The following ARHGAP22 variants were observed in gnomAD, a reference collection of about 807,000 sequenced individuals.
ARHGAP22 encodes Rho GTPase activating protein 22, also known as rho GTPase-activating protein 22.
In ARHGAP22, 48 loss-of-function variants were observed where a neutral mutation model predicts 59.1. The ratio of observed to expected loss-of-function variants is 0.81; its 90% CI spans 0.64 to 1.03. The LOEUF is 1.03. Among genes scored for constraint, ARHGAP22 ranks in the 50% least tolerant of loss-of-function variants. ARHGAP22 has a pLI of 0.00. For missense variants in ARHGAP22, 1,015 were observed against 958.7 expected (o/e 1.06, Z -0.78); for synonymous variants, 445 against 416.4 (o/e 1.07, Z -0.84).
At chr10:48,486,979 T>C (rs1441804337) in intron 3 of ARHGAP22, among the ~76,000 whole-genome samples, 1 of 152,260 alleles carries the variant, frequency 6.6e-6, no homozygotes, top group Non-Finnish European at 1.5e-5. Context: ...TTGTGTCTTT[T>C]TTACTGTTTC....
chr10:48,456,492 A>G (rs576716405), intron 5 of ARHGAP22, among the ~76,000 whole-genome samples: 115 of 152,236 alleles, frequency 7.6e-4, no homozygotes, highest in African/African-American at 2.6e-3. Context: ...TTCCTGGCCA[A>G]CTGCCCTGGG....
intron 3 of ARHGAP22, 104 bp from the exon 4 acceptor site, chr10:48,479,868 C>G: frequency 8.4e-7 from 1 of 1,183,970 alleles, no homozygotes; most frequent in Non-Finnish European, 1.1e-6. Flanking sequence ...TTCCCAAAGT[C>G]CTTCCAGCAA....
At chr10:48,636,588 G>T (rs1021223686) in intron 1 of ARHGAP22, among the ~76,000 whole-genome samples, 2 of 152,198 alleles carry the variant, frequency 1.3e-5, no homozygotes, top group Non-Finnish European at 2.9e-5. Flanking sequence ...CTGCCCTTTT[G>T]CAGACCACGA....
At position 48,629,514 on chromosome 10, in the gene ARHGAP22, C is replaced by T. The variant is rs1233240241; in HGVS notation, c.52+22720G>A. Among the ~76,000 whole-genome samples the T allele has an allele frequency of 3.3e-5, 5 of 152,202 alleles. No homozygotes were observed. The East Asian group carries it at 7.7e-4, about 23-fold the overall frequency. ...AATTACCTTGGCTCTCATCAAAGGT[C>T]AGTTAGCTACATTTGTGTGGGTCTA... is the stretch of plus-strand genomic sequence containing the variant. On this transcript the variant is annotated intron_variant, in intron 1 of 9. Transcript: ENST00000435790.
intron 2 of ARHGAP22, among the ~76,000 whole-genome samples, chr10:48,562,556 G>A (rs2057757544): frequency 6.6e-6 from 1 of 152,196 alleles, no homozygotes; most frequent in Non-Finnish European, 1.5e-5. Context: ...AGTACATACT[G>A]TGTGATTCCA....
At chr10:48,602,897 C>G (rs1414194505) in intron 1 of ARHGAP22, among the ~76,000 whole-genome samples, 4 of 152,188 alleles carry the variant, frequency 2.6e-5, no homozygotes, top group Non-Finnish European at 5.9e-5. Flanking sequence ...TTGAACTATA[C>G]TATAACTGGA....
chr10:48,623,432 G>A (rs1328700731), intron 1 of ARHGAP22, among the ~76,000 whole-genome samples: 1 of 152,134 alleles, frequency 6.6e-6, no homozygotes, highest in Admixed American at 6.5e-5. Flanking sequence ...GTCTCCAGGG[G>A]CTTTAATCCA....
intron 3 of ARHGAP22, chr10:48,532,867 C>G (rs2054991777): frequency 1.3e-5 from 2 of 152,194 alleles, no homozygotes; most frequent in Admixed American, 6.5e-5. Flanking sequence ...TGTTCACGAG[C>G]AATCTCTTGA....
chr10:48,543,238 T>C (rs1435108471), intron 3 of ARHGAP22, among the ~76,000 whole-genome samples: 1 of 152,162 alleles, frequency 6.6e-6, no homozygotes, highest in African/African-American at 2.4e-5. Context: ...GAGTCCTCCT[T>C]CCATCACAGT....
intron 3 of ARHGAP22, among the ~76,000 whole-genome samples, chr10:48,488,647 C>T (rs1244888249): frequency 1.3e-5 from 2 of 152,204 alleles, no homozygotes; most frequent in East Asian, 1.9e-4. Flanking sequence ...TTCTGTCCTA[C>T]GCCCTACAAG....
At chr10:48,652,958 A>T (rs193167268), upstream of ARHGAP22, among the ~76,000 whole-genome samples, 14 of 152,370 alleles carry the variant, frequency 9.2e-5, no homozygotes, top group Admixed American at 3.3e-4. Flanking sequence ...CATAATTTAC[A>T]GTTGTGGAGA....
intron 1 of ARHGAP22, among the ~76,000 whole-genome samples, chr10:48,584,796 C>T (rs955416844): frequency 2.6e-5 from 4 of 152,078 alleles, no homozygotes; most frequent in South Asian, 2.1e-4. Flanking sequence ...AGATTGAGAC[C>T]GTCTTGGCTA....
intron 3 of ARHGAP22, among the ~76,000 whole-genome samples, chr10:48,537,143 A>G (rs781372826): frequency 5.9e-5 from 9 of 152,242 alleles, no homozygotes; most frequent in Non-Finnish European, 1.2e-4. Context: ...TTAATTTTTA[A>G]AAAATGAAAA....
At chr10:48,574,049 C>T (rs1462850471) in intron 2 of ARHGAP22, among the ~76,000 whole-genome samples, 1 of 125,428 alleles carries the variant, frequency 8.0e-6, no homozygotes, top group Non-Finnish European at 1.6e-5. Context: ...GATACTGAGA[C>T]ACAGAGATAA....
intron 3 of ARHGAP22, among the ~76,000 whole-genome samples, chr10:48,535,264 C>G (rs1293029534): frequency 6.6e-6 from 1 of 152,204 alleles, no homozygotes. Flanking sequence ...TAACAGCTCC[C>G]AAATCTCAGT....
At chr10:48,495,030 C>T (rs775061330) in intron 3 of ARHGAP22, among the ~76,000 whole-genome samples, 4 of 152,218 alleles carry the variant, frequency 2.6e-5, no homozygotes, top group East Asian at 1.9e-4. Flanking sequence ...TAGTCTTACA[C>T]GACTTTCTCT....
At chr10:48,545,732 G>A (rs2056376366) in intron 3 of ARHGAP22, among the ~76,000 whole-genome samples, 1 of 152,212 alleles carries the variant, frequency 6.6e-6, no homozygotes, top group African/African-American at 2.4e-5. Flanking sequence ...ACAGCAGGCA[G>A]CAGTCTCCTA....
chr10:48,494,523 C>T (rs2050727924), intron 3 of ARHGAP22, among the ~76,000 whole-genome samples: 2 of 152,138 alleles, frequency 1.3e-5, no homozygotes, highest in Non-Finnish European at 2.9e-5. Flanking sequence ...TTCATCTGCC[C>T]ATCTCCCCCA....
At chr10:48,568,732 G>C (rs2058210077) in intron 2 of ARHGAP22, among the ~76,000 whole-genome samples, 1 of 152,224 alleles carries the variant, frequency 6.6e-6, no homozygotes, top group Non-Finnish European at 1.5e-5. Context: ...TGTTCCTCCA[G>C]AACTGGGAGC....
Sources: gnomAD v4.1 joint callset for allele counts (sites outside exome capture counted in the v4.1 genomes callset) on GRCh38, gnomAD v4.1.1 for gene constraint, MANE v1.5 for transcripts, NCBI Gene and HGNC (gene_info 2026-07-23, HGNC 2026-07-21) for gene names.